DENND2B: variants seen among roughly 807,000 people sequenced by gnomAD.
The protein encoded by DENND2B is DENN domain containing 2B.
DENND2B carries 32 observed loss-of-function variants against 116.0 expected under a neutral mutation model. That is an observed-to-expected ratio of 0.28 (90% CI 0.21 to 0.37). DENND2B has a LOEUF of 0.37. Among genes scored for constraint, DENND2B ranks in the 10% least tolerant of loss-of-function variants. The probability of loss-of-function intolerance (pLI) is 1.00; values close to 1 mark genes in which losing one functional copy is unlikely to be tolerated. For synonymous variants in DENND2B, 588 were observed against 583.9 expected, an observed-to-expected ratio of 1.01 and a Z score of -0.10; for missense variants, 1,276 against 1,477.7, an observed-to-expected ratio of 0.86 and a Z score of 2.24.
intron 3 of DENND2B, among the ~76,000 whole-genome samples, chr11:8,856,825 C>T (rs527676899): frequency 9.9e-5 from 15 of 151,712 alleles, no homozygotes; most frequent in African/African-American, 3.6e-4. Flanking sequence ...GCAATAATGG[C>T]TCCCTGCAGC....
At chr11:8,868,746 T>C (rs925528556) in intron 2 of DENND2B, among the ~76,000 whole-genome samples, 3 of 152,238 alleles carry the variant, frequency 2.0e-5, no homozygotes, top group African/African-American at 7.2e-5. Context: ...TGGTCTGCTC[T>C]CCATTCTCTT....
At position 8,712,451 on chromosome 11, in the gene DENND2B, C is replaced by T. The variant is rs951059374; in HGVS notation, c.2172+100G>A. On this transcript the variant is annotated intron_variant, in intron 9 of 19. Coordinates refer to ENST00000313726, the MANE Select transcript of DENND2B (RefSeq NM_213618.2). The surrounding 1 kb of genome is among the most constrained non-coding windows in gnomAD (Gnocchi z 4.4). ...CAGGGCTGTGGCAGCTCGGTGAGGA[C>T]GTATGACGAACAAGATCTCTCTCCT... The T allele has an allele frequency of 1.4e-5, 18 of 1,323,438 alleles. No individual in the cohort carries two copies. Among genetic ancestry groups the T allele is most frequent in the Admixed American group, 2.4e-5 (1 of 42,352 alleles). The allele number at this position is 1,323,438 out of a possible 1,614,324, so 82.0% of individuals were successfully genotyped here.
At chr11:8,741,454 A>G (rs886901941) in intron 2 of DENND2B, among the ~76,000 whole-genome samples, 2 of 152,202 alleles carry the variant, frequency 1.3e-5, no homozygotes, top group African/African-American at 4.8e-5. Flanking sequence ...CTAGTCCAGT[A>G]AAGACTGGGC....
At chr11:8,909,311 C>G (rs1174193024) in intron 1 of DENND2B, among the ~76,000 whole-genome samples, 1 of 152,048 alleles carries the variant, frequency 6.6e-6, no homozygotes, top group Non-Finnish European at 1.5e-5. Context: ...CTGCAGTGAG[C>G]CGAGATCGTG....
intron 2 of DENND2B, among the ~76,000 whole-genome samples, chr11:8,736,174 C>T (rs531345907): frequency 2.0e-5 from 3 of 152,220 alleles, no homozygotes; most frequent in South Asian, 2.1e-4. Context: ...CCCACCAGGC[C>T]GGAGATACAT....
At chr11:8,703,430 CAG>C (rs1488270425) in intron 13 of DENND2B, 2 of 152,584 alleles carry the variant, frequency 1.3e-5, no homozygotes, top group East Asian at 3.9e-4. Flanking sequence ...TGCCACAGCT[CAG>C]AGAGCCACTT....
At chr11:8,839,146 GA>G (rs1281313825) in intron 4 of DENND2B, among the ~76,000 whole-genome samples, 2 of 152,202 alleles carry the variant, frequency 1.3e-5, no homozygotes, top group African/African-American at 4.8e-5. Context: ...AGGTACACAG[GA>G]ATCTATGAGA....
Position 8,734,886 on chromosome 11 carries a change from AG to A in DENND2B, c.81-3678del, listed in dbSNP as rs373334746. Among the ~76,000 whole-genome samples the A allele has an allele frequency of 7.0e-4, 107 of 151,820 alleles. 1 individual carries two copies. The highest frequency in any genetic ancestry group is 3.4e-3 in the Middle Eastern group (1 of 294). On this transcript the variant is annotated intron_variant, in intron 2 of 19. Coordinates refer to ENST00000313726, the MANE Select transcript of DENND2B (RefSeq NM_213618.2). ...GCATTGAGCTTGGGGCCTAACACAC[AG>A]TGTTCCATCTTAGCTTGATAATTAC...
intron 2 of DENND2B, among the ~76,000 whole-genome samples, chr11:8,868,033 C>A (rs754024458): frequency 1.1e-4 from 16 of 152,076 alleles, no homozygotes; most frequent in African/African-American, 2.2e-4. Context: ...CAAAGCATTG[C>A]GAAACATGGG....
At chr11:8,698,908 CT>C (rs770881276) in intron 16 of DENND2B, 24 bp downstream of exon 16, 2 of 1,614,046 alleles carry the variant, frequency 1.2e-6, no homozygotes, top group Non-Finnish European at 1.7e-6. Context: ...AGGAGCCCAA[CT>C]CTAGCAAGCA....
chr11:8,897,956 C>T (rs575392116), intron 1 of DENND2B, among the ~76,000 whole-genome samples: 113 of 152,168 alleles, frequency 7.4e-4, no homozygotes, highest in African/African-American at 2.6e-3. Flanking sequence ...AAATTTCTTG[C>T]GAAGACAGGG....
At chr11:8,796,123 T>C (rs373254991) in intron 1 of DENND2B, among the ~76,000 whole-genome samples, 4 of 152,342 alleles carry the variant, frequency 2.6e-5, no homozygotes, top group African/African-American at 7.2e-5. Flanking sequence ...AGCAGGCTGA[T>C]TGGGCTGACC....
At chr11:8,854,999 G>A (rs1256198774) in intron 3 of DENND2B, among the ~76,000 whole-genome samples, 1 of 151,670 alleles carries the variant, frequency 6.6e-6, no homozygotes, top group Non-Finnish European at 1.5e-5. Flanking sequence ...GAAAAAATTA[G>A]CCAGGCATAG....
intron 3 of DENND2B, among the ~76,000 whole-genome samples, chr11:8,848,636 A>C (rs946773874): frequency 2.0e-5 from 3 of 152,214 alleles, no homozygotes; most frequent in Non-Finnish European, 4.4e-5. Context: ...TAAATAACAT[A>C]ATGTCCAGGA....
In DENND2B at chr11:8,702,838, C is replaced by T. The variant is rs539143366; in HGVS notation, c.2572-118G>A. ...CCAACCTGCTCTTTTCCAGGTCTCT[C>T]GTCTACCCTGCTATGCAGTAAACCC... is the stretch of plus-strand genomic sequence containing the variant. On this transcript the variant is annotated intron_variant, in intron 13 of 19. Transcript: ENST00000313726. The surrounding 1 kb of genome is among the most constrained non-coding windows in gnomAD (Gnocchi z 4.6). The T allele has an allele frequency of 5.6e-5, 72 of 1,295,896 alleles. No homozygotes were observed. The South Asian group carries it at 9.2e-4, about 17-fold the overall frequency. The allele number at this position is 1,295,896 out of a possible 1,614,324, so 80.3% of individuals were successfully genotyped here. A position where few individuals can be genotyped will look rare whatever the true frequency, so the allele number is the denominator to read the frequency against.
chr11:8,744,534 C>T (rs928252197), intron 2 of DENND2B, among the ~76,000 whole-genome samples: 4 of 152,080 alleles, frequency 2.6e-5, no homozygotes. Context: ...ATATTATGGG[C>T]ATGAAGCAGA....
Position 8,693,932 on chromosome 11 carries a change from TACAAACA to T in DENND2B, c.*157_*163del. The stretch of plus-strand genomic sequence containing the variant: ...TTAAGAAAGCTTACAGCAGATTATT[TACAAACA>T]GTATCCTGGGATATGATGAAGGCAG... On this transcript the variant is annotated 3_prime_UTR_variant, in exon 20 of 20. Transcript: ENST00000313726. The T allele has an allele frequency of 1.6e-6, 1 of 635,830 alleles. No homozygotes were observed. The highest frequency in any genetic ancestry group is 2.2e-5 in the South Asian group (1 of 45,180). 39.4% of individuals were successfully genotyped at this position (635,830 alleles called of 1,614,324 possible).
rs370847892 is a variant in DENND2B, at chr11:8,770,640, G to A, written c.-25-19915C>T. Among the ~76,000 whole-genome samples, 46 of 152,068 alleles carry A rather than the reference G, an allele frequency of 3.0e-4. No homozygotes were observed. In the East Asian group the frequency reaches 6.8e-3, roughly 22 times the overall value. The stretch of plus-strand genomic sequence containing the variant: ...AGTGAGTCCAGACCTAATCCCTATA[G>A]TCAGTCTATGGAACCCAGAACTCAC... On this transcript the variant is annotated intron_variant, in intron 1 of 19. Coordinates refer to ENST00000313726, the MANE Select transcript of DENND2B (RefSeq NM_213618.2).
chr11:8,778,719 G>A (rs2058023818), intron 1 of DENND2B, among the ~76,000 whole-genome samples: 1 of 152,202 alleles, frequency 6.6e-6, no homozygotes, highest in African/African-American at 2.4e-5. Flanking sequence ...GCTGCATGGG[G>A]TGCCGGCCAT....
Sources: gnomAD v4.1 joint callset for allele counts (sites outside exome capture counted in the v4.1 genomes callset) on GRCh38, gnomAD v4.1.1 for gene constraint, Gnocchi (gnomAD v3.1) non-coding constraint, MANE v1.5 for transcripts, NCBI Gene and HGNC (gene_info 2026-07-23, HGNC 2026-07-21) for gene names.